Variants in ROBO1 observed in about 807,000 individuals in gnomAD.
ROBO1 encodes the protein roundabout guidance receptor 1.
In ROBO1, 149 loss-of-function variants were observed where a neutral mutation model predicts 195.9. That is an observed-to-expected ratio of 0.76 (90% CI 0.67 to 0.87). The LOEUF (loss-of-function observed/expected upper bound fraction) is 0.87. Among genes scored for constraint, ROBO1 ranks in the 40% least tolerant of loss-of-function variants. The pLI is 0.00. For missense variants in ROBO1, 1,933 were observed against 2,068.3 expected, an observed-to-expected ratio of 0.93 and a Z score of 1.27; for synonymous variants, 816 against 733.2, an observed-to-expected ratio of 1.11 and a Z score of -1.82.
At chr3:78,972,911 A>T (rs1033220326) in intron 3 of ROBO1, among the ~76,000 whole-genome samples, 1 of 152,146 alleles carries the variant, frequency 6.6e-6, no homozygotes. Context: ...AAGCTATTAG[A>T]TTGTGAGATG....
intron 8 of ROBO1, among the ~76,000 whole-genome samples, chr3:78,695,903 T>C (rs550581616): frequency 6.6e-6 from 1 of 152,104 alleles, no homozygotes; most frequent in Non-Finnish European, 1.5e-5. Context: ...ATATGGACTA[T>C]GTAAAATCCT....
Position 78,938,919 on chromosome 3 carries a change from G to A in ROBO1, c.181C>T (p.Leu61Phe). The change falls in exon 4 of 31, where the codon CTT becomes TTT. Residue 61 changes from leucine (L) to phenylalanine (F), a missense_variant. By Grantham distance (22) the Leu-to-Phe change is conservative. Coordinates refer to ENST00000464233, the MANE Select transcript of ROBO1 (RefSeq NM_002941.4). ...CGAGGTGGAAAATCTTCCTGACGAA[G>A]ACGGGAGCCTGCAGAAGAATTCACA... ...DNSLGYTGSR[L>F]RQEDFPPRIV... 6.2e-7 allele frequency: 1 copy of A among 1,605,126 alleles called. No homozygotes were observed.
In ROBO1 at chr3:78,714,514, G is replaced by A. The variant is rs1431830142; in HGVS notation, c.928C>T (p.Arg310Ter). The A allele has an allele frequency of 6.8e-6, 11 of 1,608,870 alleles. No homozygotes were observed. Among genetic ancestry groups the A allele is most frequent in the African/African-American group, 1.3e-5 (1 of 74,668 alleles). The change falls in exon 8 of 31, where the codon CGA becomes TGA. Residue 310 changes from arginine (R) to a stop codon, truncating the protein, a stop_gained. Transcript: ENST00000464233. LOFTEE classifies it high-confidence loss of function. Reference sequence around the variant, plus strand: ...CTAATTTTCAAGGTATGATCATCTCGGATTTCATATCTAATGACATAACAA... The same window carrying A: ...CTAATTTTCAAGGTATGATCATCTCAGATTTCATATCTAATGACATAACAA... ...GELPKSRYEI[R>*]DDHTLKIRKV...
chr3:78,950,196 A>G (rs2040694630), intron 3 of ROBO1, among the ~76,000 whole-genome samples: 1 of 152,172 alleles, frequency 6.6e-6, no homozygotes, highest in African/African-American at 2.4e-5. Flanking sequence ...ATGCTGCTAT[A>G]AAGACACATG....
Position 79,382,099 on chromosome 3 carries a change from G to A in ROBO1, c.88+207725C>T, listed in dbSNP as rs370910568. Reference sequence around the variant, plus strand: ...TTCATCAGGGATGAAGATAAAGCACGATCATCAAAACAGATCTTAGATTAC... The same window carrying A: ...TTCATCAGGGATGAAGATAAAGCACAATCATCAAAACAGATCTTAGATTAC... On this transcript the variant is annotated intron_variant, in intron 2 of 30. Coordinates refer to ENST00000464233, the MANE Select transcript of ROBO1 (RefSeq NM_002941.4). Among the ~76,000 whole-genome samples, 13 of 152,144 alleles carry A rather than the reference G, an allele frequency of 8.5e-5. No individual in the cohort carries two copies. The East Asian group carries it at 2.1e-3, about 25-fold the overall frequency.
chr3:79,468,478 T>C (rs559634733), intron 2 of ROBO1, among the ~76,000 whole-genome samples: 2 of 152,160 alleles, frequency 1.3e-5, no homozygotes, highest in African/African-American at 2.4e-5. Flanking sequence ...CTATATTTCA[T>C]AGTAATTAAA....
chr3:79,188,582 T>C (rs981100672), intron 2 of ROBO1, among the ~76,000 whole-genome samples: 3 of 151,654 alleles, frequency 2.0e-5, no homozygotes, highest in Non-Finnish European at 3.0e-5. Context: ...CGTCTTTCTG[T>C]TTGTAAAAAG....
intron 4 of ROBO1, among the ~76,000 whole-genome samples, chr3:78,762,931 G>A (rs1400461767): frequency 6.6e-6 from 1 of 151,978 alleles, no homozygotes; most frequent in Non-Finnish European, 1.5e-5. Flanking sequence ...GGATTGGAGG[G>A]GATCATAGAC....
At chr3:79,349,714 A>G (rs1424898602) in intron 2 of ROBO1, among the ~76,000 whole-genome samples, 1 of 152,194 alleles carries the variant, frequency 6.6e-6, no homozygotes, top group Non-Finnish European at 1.5e-5. Context: ...TTCAATGGGC[A>G]AATAATAATC....
chr3:78,893,435 G>C (rs925255269), intron 4 of ROBO1, among the ~76,000 whole-genome samples: 1 of 152,118 alleles, frequency 6.6e-6, no homozygotes. Flanking sequence ...AACCAAACTG[G>C]CTGATGCCTT....
chr3:79,332,004 G>A (rs1048523147), intron 2 of ROBO1, among the ~76,000 whole-genome samples: 1 of 151,962 alleles, frequency 6.6e-6, no homozygotes, highest in Non-Finnish European at 1.5e-5. Context: ...TTAGCCAGGC[G>A]TGGTGGCGGG....
intron 3 of ROBO1, among the ~76,000 whole-genome samples, chr3:78,966,859 A>T (rs1002850723): frequency 5.9e-5 from 9 of 152,156 alleles, no homozygotes; most frequent in Non-Finnish European, 1.3e-4. Context: ...TATCTGCTTT[A>T]ATTATAGCAC....
At chr3:79,110,161 G>A (rs1179178972) in intron 3 of ROBO1, among the ~76,000 whole-genome samples, 3 of 152,106 alleles carry the variant, frequency 2.0e-5, no homozygotes, top group Admixed American at 2.0e-4. Context: ...AGGATTATAT[G>A]AGATGATGCC....
intron 2 of ROBO1, among the ~76,000 whole-genome samples, chr3:79,588,076 G>A (rs1943884724): frequency 1.3e-5 from 2 of 151,558 alleles, no homozygotes; most frequent in South Asian, 4.2e-4. Flanking sequence ...ATCAATTTGT[G>A]CGGTGAATTT....
intron 1 of ROBO1, among the ~76,000 whole-genome samples, chr3:79,765,577 GC>G (rs1704940713): frequency 6.6e-6 from 1 of 152,176 alleles, no homozygotes; most frequent in African/African-American, 2.4e-5. Flanking sequence ...AATAATAGCT[GC>G]TAGGAGAATA....
chr3:79,050,238 G>A (rs780998582), intron 3 of ROBO1, among the ~76,000 whole-genome samples: 9 of 151,892 alleles, frequency 5.9e-5, no homozygotes, highest in Non-Finnish European at 1.2e-4. Flanking sequence ...TAAAAGCAGG[G>A]GTTGCAATCC....
intron 2 of ROBO1, among the ~76,000 whole-genome samples, chr3:79,560,842 G>A (rs1942891909): frequency 6.6e-6 from 1 of 152,004 alleles, no homozygotes; most frequent in East Asian, 1.9e-4. Flanking sequence ...AGGAATATTA[G>A]CTTGTTATTT....
rs750158094 is a variant in ROBO1 at position 78,963,494 on chromosome 3, GTTTTTTTTTTTT to G, written c.173-24579_173-24568del. On this transcript the variant is annotated intron_variant, in intron 3 of 30. Coordinates refer to ENST00000464233, the MANE Select transcript of ROBO1 (RefSeq NM_002941.4). ...GAGAAGATCCAGAGGAAAACCTTCA[GTTTTTTTTTTTT>G]TTTTTTTTTTTTTTCTTTTTTTTTT... Among the ~76,000 whole-genome samples the G allele has an allele frequency of 4.8e-3, 345 of 72,326 alleles. 1 individual carries two copies. Among genetic ancestry groups the G allele is most frequent in the African/African-American group, 0.017 (279 of 15,996 alleles). 47.4% of individuals were successfully genotyped at this position (72,326 alleles called of 152,430 possible).
chr3:79,411,391 A>G (rs1436041865), intron 2 of ROBO1, among the ~76,000 whole-genome samples: 1 of 152,180 alleles, frequency 6.6e-6, no homozygotes, highest in Non-Finnish European at 1.5e-5. Context: ...AAGTGAATAA[A>G]CAAGTTAGTG....
Sources: allele counts gnomAD v4.1 joint callset (sites outside exome capture counted in the v4.1 genomes callset), GRCh38; gene constraint gnomAD v4.1.1; transcripts MANE v1.5; gene names NCBI Gene and HGNC (gene_info 2026-07-23, HGNC 2026-07-21).